Variants in ARAP2 observed in about 807,000 individuals in gnomAD.
ARAP2 encodes arf-GAP with Rho-GAP domain, ANK repeat and PH domain-containing protein 2.
ARAP2 carries 148 observed loss-of-function variants against 194.5 expected under a neutral mutation model. The observed-to-expected ratio is 0.76, with a 90% CI of 0.67 to 0.87. The LOEUF (loss-of-function observed/expected upper bound fraction) is 0.87, where lower values mean the gene tolerates loss of function less well. Among genes scored for constraint, ARAP2 ranks in the 40% least tolerant of loss-of-function variants. The pLI is 0.00. For missense variants in ARAP2, 2,128 were observed against 1,989.7 expected, an observed-to-expected ratio of 1.07 and a Z score of -1.32; for synonymous variants, 695 against 683.5, an observed-to-expected ratio of 1.02 and a Z score of -0.26.
At chr4:36,240,721 T>C (rs1753349245) in intron 1 of ARAP2, among the ~76,000 whole-genome samples, 1 of 152,110 alleles carries the variant, frequency 6.6e-6, no homozygotes, top group Non-Finnish European at 1.5e-5. Context: ...TAGCTGAAAA[T>C]AGGTAGGCTC....
At chr4:36,117,164 C>T in intron 24 of ARAP2, 29 bp from the exon 25 acceptor site, 1 of 1,482,258 alleles carries the variant, frequency 6.7e-7, no homozygotes, top group Non-Finnish European at 9.2e-7. Context: ...AGAAACAACA[C>T]AGATAAACAT....
intron 8 of ARAP2, among the ~76,000 whole-genome samples, chr4:36,182,267 C>T (rs1739459649): frequency 6.6e-6 from 1 of 152,046 alleles, no homozygotes; most frequent in Admixed American, 6.6e-5. Context: ...CCAAGGCTGG[C>T]AAATCACGAG....
chr4:36,098,326 T>C (rs1715896394), intron 27 of ARAP2, among the ~76,000 whole-genome samples: 1 of 152,066 alleles, frequency 6.6e-6, no homozygotes, highest in Non-Finnish European at 1.5e-5. Flanking sequence ...TTCATTCCCA[T>C]TGTTATCACC....
At chr4:36,188,591 A>G (rs1051133560) in intron 7 of ARAP2, among the ~76,000 whole-genome samples, 4 of 152,252 alleles carry the variant, frequency 2.6e-5, no homozygotes, top group Non-Finnish European at 5.9e-5. Context: ...ACAACAACAT[A>G]GAGTCAAAAG....
At chr4:36,055,196 G>C (rs1723287553) in intron 2 of ARAP2, among the ~76,000 whole-genome samples, 1 of 152,102 alleles carries the variant, frequency 6.6e-6, no homozygotes, top group African/African-American at 2.4e-5. Context: ...CACTGAATGA[G>C]ATTTAGCGTT....
At position 36,232,052 on chromosome 4, in the gene ARAP2, T is replaced by A. The variant is rs556619734; in HGVS notation, c.-159-2407A>T. 2.0e-5 allele frequency among the ~76,000 whole-genome samples: 3 copies of A among 152,328 alleles called. No homozygotes were observed. The South Asian group carries it at 6.2e-4, about 32-fold the overall frequency. ...TGTAAGGACACAGGGAAAAGGTGGC[T>A]ATCTGTAAGCTAGGAAGAGGAATCT... is the stretch of plus-strand genomic sequence containing the variant. On this transcript the variant is annotated intron_variant, in intron 1 of 32. Coordinates refer to ENST00000303965, the MANE Select transcript of ARAP2 (RefSeq NM_015230.4).
At chr4:36,096,472 C>T (rs9999140) in intron 27 of ARAP2, among the ~76,000 whole-genome samples, 24,212 of 151,480 alleles carry the variant, frequency 0.16, 4,383 homozygotes, top group African/African-American at 0.45. Context: ...ATGTTCACAC[C>T]TAAAATTAGC....
intron 6 of ARAP2, 77 bp from the exon 7 acceptor site, chr4:36,193,724 C>G: frequency 9.5e-7 from 1 of 1,050,798 alleles, no homozygotes; most frequent in Non-Finnish European, 1.4e-6. Flanking sequence ...GTAATGTAAC[C>G]GTGTAAATAT....
intron 27 of ARAP2, among the ~76,000 whole-genome samples, chr4:36,106,648 C>T (rs1718485596): frequency 6.6e-6 from 1 of 151,866 alleles, no homozygotes. Flanking sequence ...TTAGGAGGAA[C>T]ACCAATCAGT....
At chr4:36,054,412 C>CA (rs1027702112) in intron 2 of ARAP2, among the ~76,000 whole-genome samples, 2 of 152,146 alleles carry the variant, frequency 1.3e-5, no homozygotes, top group Non-Finnish European at 2.9e-5. Flanking sequence ...GAGAGACCTA[C>CA]AAAATCTCTG....
In ARAP2 at chr4:36,160,565, A is replaced by C. The variant is rs1176213155; in HGVS notation, c.2336T>G (p.Met779Arg). 1.3e-6 allele frequency: 2 copies of C among 1,557,830 alleles called. No homozygotes were observed. The highest frequency in any genetic ancestry group is 1.7e-6 in the Non-Finnish European group (2 of 1,160,764). ...GNLQKDEELHMDSPVEKRKNF... is the reference protein window; with the variant it reads ...GNLQKDEELHRDSPVEKRKNF... Reference sequence around the variant, plus strand: ...TTTTCTCTTTTCTACTGGTGAGTCCATATGTAATTCTTCATCCTTTTGAAG... The same window carrying C: ...TTTTCTCTTTTCTACTGGTGAGTCCCTATGTAATTCTTCATCCTTTTGAAG... The change falls in exon 13 of 33, where the codon ATG becomes AGG. Residue 779 changes from methionine (M) to arginine (R), a missense_variant. Physicochemically the swap from Met to Arg is moderately conservative, Grantham distance 91. Coordinates refer to ENST00000303965, the MANE Select transcript of ARAP2 (RefSeq NM_015230.4).
chr4:36,189,683 T>A (rs1381107347), intron 7 of ARAP2, among the ~76,000 whole-genome samples: 1 of 152,200 alleles, frequency 6.6e-6, no homozygotes, highest in Non-Finnish European at 1.5e-5. Context: ...GTTCCTGCCG[T>A]ATTTCACTTA....
chr4:36,036,777 T>C (rs1403909081), intron 5 of ARAP2, among the ~76,000 whole-genome samples: 1 of 152,152 alleles, frequency 6.6e-6, no homozygotes, highest in East Asian at 1.9e-4. Context: ...CTAGTATAGC[T>C]ACAAAACCAG....
rs528815617 is a variant in ARAP2 at position 36,172,973 on chromosome 4, G to T, written c.1857+4854C>A. Among the ~76,000 whole-genome samples the T allele has an allele frequency of 5.3e-5, 8 of 152,196 alleles. No individual in the cohort carries two copies. The East Asian group carries it at 9.7e-4, about 18-fold the overall frequency. On this transcript the variant is annotated intron_variant, in intron 9 of 32. Transcript: ENST00000303965. ...AATTCTATTAGAGTTTCACTCCCATGCCAGAACACCAGGGAACATTATGTT... is the reference window on the plus strand; with the variant it reads ...AATTCTATTAGAGTTTCACTCCCATTCCAGAACACCAGGGAACATTATGTT...
chr4:36,063,328 G>A (rs1044808899), downstream of ARAP2, among the ~76,000 whole-genome samples: 14 of 151,800 alleles, frequency 9.2e-5, no homozygotes, highest in African/African-American at 2.7e-4. Context: ...GGTTGGGGGA[G>A]GGATAGCATT....
At chr4:36,174,463 A>C (rs1042349641) in intron 9 of ARAP2, among the ~76,000 whole-genome samples, 1 of 152,110 alleles carries the variant, frequency 6.6e-6, no homozygotes, top group Non-Finnish European at 1.5e-5. Flanking sequence ...GCCATTTTCT[A>C]CTCTAACAAA....
intron 6 of ARAP2, 105 bp downstream of exon 6, chr4:36,210,285 T>G: frequency 1.0e-6 from 1 of 963,466 alleles, no homozygotes; most frequent in Non-Finnish European, 1.5e-6. Flanking sequence ...TGTATGTGTG[T>G]GTGTGGCGGT....
chr4:36,239,990 T>C (rs1241495536), intron 1 of ARAP2, among the ~76,000 whole-genome samples: 2 of 152,206 alleles, frequency 1.3e-5, no homozygotes, highest in African/African-American at 4.8e-5. Context: ...CAGGCAGTAG[T>C]ATAGATAGCA....
chr4:36,160,407 A>G, intron 13 of ARAP2, 52 bp downstream of exon 13: 1 of 1,394,952 alleles, frequency 7.2e-7, no homozygotes, highest in Non-Finnish European at 9.4e-7. Context: ...ATCTTGGCAC[A>G]TCATTAAAAA....
Sources: allele counts gnomAD v4.1 joint callset (sites outside exome capture counted in the v4.1 genomes callset), GRCh38; gene constraint gnomAD v4.1.1; transcripts MANE v1.5; gene names NCBI Gene and HGNC (gene_info 2026-07-23, HGNC 2026-07-21).